The following DSCAM variants were observed in gnomAD, a reference collection of about 807,000 sequenced individuals.
DSCAM encodes the protein cell adhesion molecule DSCAM.
DSCAM carries 47 observed loss-of-function variants against 217.7 expected under a neutral mutation model. The ratio of observed to expected loss-of-function variants is 0.22; its 90% CI spans 0.17 to 0.28. The LOEUF is 0.28. Among genes scored for constraint, DSCAM ranks in the 10% least tolerant of loss-of-function variants. The probability of loss-of-function intolerance (pLI) is 1.00; values close to 1 mark genes in which losing one functional copy is unlikely to be tolerated. For synonymous variants in DSCAM, 1,056 were observed against 1,015.3 expected (o/e 1.04, Z -0.76); for missense variants, 2,080 against 2,618.3 (o/e 0.79, Z 4.49).
chr21:40,133,912 G>A lies in DSCAM; in HGVS notation c.3504C>T (p.Phe1168=), dbSNP rs767003093. 6.2e-7 allele frequency: 1 copy of A among 1,613,802 alleles called. No individual in the cohort carries two copies. The highest frequency in any genetic ancestry group is 1.1e-5 in the South Asian group (1 of 91,040). Residue 1168 remains phenylalanine, a synonymous_variant, in exon 19 of 33, where the codon TTC becomes TTT. Coordinates refer to ENST00000400454, the MANE Select transcript of DSCAM (RefSeq NM_001389.5). ...TCCTGACCCCGTCTCCTGCGCGGGT[G>A]AAGGCCAGCACCTGGATGCTGTAGT... ...YTNYSIQVLA[F]TRAGDGVRSE... is the part of the protein sequence containing the mutation.
chr21:40,582,876 C>T (rs926350886), intron 3 of DSCAM, among the ~76,000 whole-genome samples: 1 of 152,122 alleles, frequency 6.6e-6, no homozygotes, highest in Admixed American at 6.6e-5. Flanking sequence ...CTAGTGGGAA[C>T]TGTCCTTTGG....
intron 3 of DSCAM, among the ~76,000 whole-genome samples, chr21:40,611,529 C>T (rs1190295003): frequency 6.6e-6 from 1 of 152,176 alleles, no homozygotes; most frequent in Non-Finnish European, 1.5e-5. Flanking sequence ...ACCAGCCATA[C>T]TTTGACTGCC....
intron 3 of DSCAM, among the ~76,000 whole-genome samples, chr21:40,677,891 G>C (rs532010671): frequency 1.3e-5 from 2 of 152,082 alleles, no homozygotes; most frequent in Non-Finnish European, 2.9e-5. Context: ...AGCCTCCAGA[G>C]CTCTGAGAAA....
chr21:40,267,904 G>A (rs76045869), intron 11 of DSCAM, among the ~76,000 whole-genome samples: 17,141 of 151,534 alleles, frequency 0.11, 2,412 homozygotes, highest in African/African-American at 0.32. Context: ...CTCAAAAAAA[G>A]AAAGAAAAAT....
chr21:40,791,311 A>G (rs2091640600), intron 1 of DSCAM, among the ~76,000 whole-genome samples: 1 of 151,874 alleles, frequency 6.6e-6, no homozygotes, highest in Admixed American at 6.6e-5. Context: ...AACACTGACA[A>G]TATCCGCTTA....
At chr21:40,707,611 C>T (rs1001055116) in intron 2 of DSCAM, among the ~76,000 whole-genome samples, 2 of 152,192 alleles carry the variant, frequency 1.3e-5, no homozygotes, top group Non-Finnish European at 2.9e-5. Context: ...CCCCAGCTAC[C>T]TGGTGTATAA....
At chr21:40,399,890 G>A (rs540105488) in intron 3 of DSCAM, among the ~76,000 whole-genome samples, 73 of 152,266 alleles carry the variant, frequency 4.8e-4, no homozygotes, top group African/African-American at 1.7e-3. Context: ...GTAAAACAAA[G>A]TAACAAAGCA....
At chr21:40,816,382 C>T (rs1391878758) in intron 1 of DSCAM, among the ~76,000 whole-genome samples, 1 of 152,214 alleles carries the variant, frequency 6.6e-6, no homozygotes, top group Non-Finnish European at 1.5e-5. Flanking sequence ...AGTTCGAGAC[C>T]AGCCTGGCCA....
intron 3 of DSCAM, among the ~76,000 whole-genome samples, chr21:40,620,143 GA>G (rs1456832655): frequency 1.6e-5 from 1 of 61,482 alleles, no homozygotes; most frequent in Non-Finnish European, 3.2e-5. Context: ...GAAAGAGAGA[GA>G]AAAAAGAAAA....
chr21:40,019,497 C>T lies in DSCAM; in HGVS notation c.5687-6111G>A. Among the ~76,000 whole-genome samples the T allele has an allele frequency of 1.3e-5, 2 of 152,140 alleles. 1 individual carries two copies. Among genetic ancestry groups the T allele is most frequent in the Admixed American group, 1.3e-4 (2 of 15,272 alleles). On this transcript the variant is annotated intron_variant, in intron 32 of 32. Transcript: ENST00000400454. ...TTAGATAATGCATGTGAAAGCTTTC[C>T]CTGGATTAAGGAATCTGTTTCCACA...
At chr21:40,822,121 C>A (rs1402833918) in intron 1 of DSCAM, among the ~76,000 whole-genome samples, 1 of 151,256 alleles carries the variant, frequency 6.6e-6, no homozygotes, top group Non-Finnish European at 1.5e-5. Context: ...GAGTTTGAGA[C>A]CAGCCTGGCC....
intron 1 of DSCAM, among the ~76,000 whole-genome samples, chr21:40,725,403 C>G (rs1245028044): frequency 6.6e-6 from 1 of 152,194 alleles, no homozygotes. Context: ...ACTCTTCTAT[C>G]TTCCCAGAGG....
intron 15 of DSCAM, among the ~76,000 whole-genome samples, chr21:40,175,873 C>A (rs1221981070): frequency 1.3e-5 from 2 of 151,314 alleles, no homozygotes; most frequent in African/African-American, 4.9e-5. Context: ...AAAGGCAATA[C>A]TGTGGGTAAT....
rs1698425686 is a variant in DSCAM at position 40,353,743 on chromosome 21, T to A, written c.656A>T (p.Asp219Val). ...QSNSARLFVS[D>V]PANSAPSILD... ...TATGGATGGGGCTGAGTTCGCTGGGTCTGTAGAAGAAATAAAAACTCTTAG... is the reference window on the plus strand; with the variant it reads ...TATGGATGGGGCTGAGTTCGCTGGGACTGTAGAAGAAATAAAAACTCTTAG... Residue 219 changes from aspartate (D) to valine (V), a missense_variant and splice_region_variant, in exon 5 of 33, where the codon GAC (aspartate) becomes GTC (valine). By Grantham distance (152) the Asp-to-Val change is radical (BLOSUM62 -3). This residue lies in a region of DSCAM where 568 missense variants were observed against 678.1 expected (regional missense o/e 0.84). Coordinates refer to ENST00000400454, the MANE Select transcript of DSCAM (RefSeq NM_001389.5). 3 of 1,535,430 alleles carry A rather than the reference T, an allele frequency of 2.0e-6. No individual in the cohort carries two copies. In the African/African-American group the frequency reaches 4.2e-5, roughly 21 times the overall value.
chr21:40,418,453 C>T (rs549014763), intron 3 of DSCAM, among the ~76,000 whole-genome samples: 18 of 152,204 alleles, frequency 1.2e-4, no homozygotes, highest in South Asian at 4.2e-4. Flanking sequence ...CAGCTGGGAA[C>T]GGGAGAATTT....
chr21:40,042,692 A>G lies in DSCAM; in HGVS notation c.5384-19T>C. The G allele has an allele frequency of 6.3e-7, 1 of 1,580,180 alleles. No homozygotes were observed. Among genetic ancestry groups the G allele is most frequent in the Non-Finnish European group, 8.6e-7 (1 of 1,166,044 alleles). On this transcript the variant is annotated intron_variant, in intron 31 of 32. Transcript: ENST00000400454. ...GCTCGATCTACACCAGGAAAGAGAAAAACAAGACGGACGACTCACCATCAG... is the reference window on the plus strand; with the variant it reads ...GCTCGATCTACACCAGGAAAGAGAAGAACAAGACGGACGACTCACCATCAG...
Position 40,711,444 on chromosome 21 carries a change from G to T in DSCAM, c.44-2673C>A, listed in dbSNP as rs371479728. Reference sequence around the variant, plus strand: ...ATTTAACCTGCTCACTAAATGTGAGGGTAGCGGGTGGTCTCCACCCTGCTG... The same window carrying T: ...ATTTAACCTGCTCACTAAATGTGAGTGTAGCGGGTGGTCTCCACCCTGCTG... On this transcript the variant is annotated intron_variant, in intron 1 of 32. Coordinates refer to ENST00000400454, the MANE Select transcript of DSCAM (RefSeq NM_001389.5). Among the ~76,000 whole-genome samples, 44 of 152,264 alleles carry T rather than the reference G, an allele frequency of 2.9e-4. 1 individual carries two copies. Among genetic ancestry groups the T allele is most frequent in the African/African-American group, 1.0e-3 (43 of 41,560 alleles).
At chr21:40,352,233 A>C (rs1230089151) in intron 5 of DSCAM, among the ~76,000 whole-genome samples, 2 of 152,194 alleles carry the variant, frequency 1.3e-5, no homozygotes, top group Non-Finnish European at 2.9e-5. Context: ...CCTAAGATAT[A>C]AACTTTATTC....
At chr21:40,401,515 T>A (rs1365258908) in intron 3 of DSCAM, among the ~76,000 whole-genome samples, 1 of 152,216 alleles carries the variant, frequency 6.6e-6, no homozygotes, top group Non-Finnish European at 1.5e-5. Flanking sequence ...TTATCCACCA[T>A]TGCAGATGTC....
Sources: gnomAD v4.1 joint callset for allele counts (sites outside exome capture counted in the v4.1 genomes callset) on GRCh38, gnomAD v4.1.1 for gene constraint, gnomAD v4.1.1 regional missense constraint, MANE v1.5 for transcripts, NCBI Gene and HGNC (gene_info 2026-07-23, HGNC 2026-07-21) for gene names.